Variants in ZNF862 observed in about 807,000 individuals in gnomAD.
ZNF862 encodes the protein zinc finger protein 862.
In ZNF862, 64 loss-of-function variants were observed where a neutral mutation model predicts 91.1. The ratio of observed to expected loss-of-function variants is 0.70; its 90% CI spans 0.57 to 0.87. The LOEUF (loss-of-function observed/expected upper bound fraction) is 0.87. ZNF862 is among the 40% of genes least tolerant of loss of function. The probability of loss-of-function intolerance (pLI) is 0.00; values close to 1 mark genes in which losing one functional copy is unlikely to be tolerated. For missense variants in ZNF862, 1,459 were observed against 1,528.0 expected (o/e 0.95, Z 0.75); for synonymous variants, 631 against 618.1 (o/e 1.02, Z -0.31).
chr7:149,844,946 G>C (rs950373897), intron 2 of ZNF862: 1 of 512,124 alleles, frequency 2.0e-6, no homozygotes, highest in African/African-American at 2.0e-5. Flanking sequence ...ATGGTCAAGA[G>C]AAGTGGGGCA....
Position 149,846,156 on chromosome 7 carries a change from A to C in ZNF862, c.142A>C (p.Thr48Pro). 6.2e-7 allele frequency: 1 copy of C among 1,612,144 alleles called. No individual in the cohort carries two copies. The highest frequency in any genetic ancestry group is 8.5e-7 in the Non-Finnish European group (1 of 1,179,190). ...SNKLVAPLGP[T>P]VANPELFRKF... ...TTTTTTTTTTTTGGACTCAGGACCA[A>C]CTGTTGCCAATCCTGAGCTGTTCCG... Residue 48 changes from threonine (T) to proline (P), a missense_variant, in exon 3 of 8, where the codon ACT becomes CCT. By Grantham distance (38) the Thr-to-Pro change is conservative. Transcript: ENST00000223210.
chr7:149,852,370 TGTGAGAGA>T (rs928173075), intron 5 of ZNF862, among the ~76,000 whole-genome samples: 2 of 137,650 alleles, frequency 1.5e-5, no homozygotes, highest in African/African-American at 5.1e-5. Flanking sequence ...TGTGTGTGTG[TGTGAGAGA>T]GAGAGAGAGA....
intron 4 of ZNF862, among the ~76,000 whole-genome samples, chr7:149,849,646 T>C (rs983839328): frequency 2.0e-5 from 3 of 152,248 alleles, no homozygotes; most frequent in East Asian, 1.9e-4. Context: ...TCATTTCTTT[T>C]CCTGTTCCTG....
chr7:149,861,411 C>G lies in ZNF862; in HGVS notation c.2251C>G (p.Arg751Gly). The G allele has an allele frequency of 6.2e-7, 1 of 1,613,224 alleles. No individual in the cohort carries two copies. Among genetic ancestry groups the G allele is most frequent in the Non-Finnish European group, 8.5e-7 (1 of 1,179,894 alleles). ...GGTGAAGAAGTGTGACCGGCACATC[C>G]GCACCGTCTTCAAGTTTTATCAGTC... ...DLVKKCDRHIRTVFKFYQSSN... is the reference protein window; with the variant it reads ...DLVKKCDRHIGTVFKFYQSSN... The change falls in exon 7 of 8, where the codon CGC (arginine) becomes GGC (glycine). Residue 751 changes from arginine to glycine, a missense_variant. By Grantham distance (125) the Arg-to-Gly change is moderately radical (BLOSUM62 -2). Transcript: ENST00000223210. The surrounding 1 kb of genome is among the most constrained non-coding windows in gnomAD (Gnocchi z 6.7).
Position 149,861,801 on chromosome 7 carries a change from A to C in ZNF862, c.2641A>C (p.Ser881Arg), listed in dbSNP as rs770945433. The C allele has an allele frequency of 2.5e-6, 4 of 1,613,592 alleles. No individual in the cohort carries two copies. The Admixed American group carries it at 6.7e-5, about 27-fold the overall frequency. ...GGGCCGCGCCTACGTGGCACTGGAG[A>C]GCCTCCGTCACCAGGCAGGGCCCAA... is the stretch of plus-strand genomic sequence containing the variant. The part of the protein sequence containing the change: ...TLGRAYVALE[S>R]LRHQAGPKEE... The change falls in exon 7 of 8, where the codon AGC becomes CGC. Residue 881 changes from serine (S) to arginine (R), a missense_variant. Physicochemically the swap from Ser to Arg is moderately radical, Grantham distance 110. Transcript: ENST00000223210. The surrounding 1 kb of genome is among the most constrained non-coding windows in gnomAD (Gnocchi z 6.7).
intron 1 of ZNF862, among the ~76,000 whole-genome samples, chr7:149,839,195 A>T (rs948012247): frequency 3.9e-5 from 6 of 152,172 alleles, no homozygotes; most frequent in African/African-American, 1.4e-4. Flanking sequence ...TTGGAAGAAA[A>T]GGTGGAAAGA....
rs868337413 is a variant in ZNF862, at chr7:149,850,814, G to A, written c.1117+476G>A. 2.5e-5 allele frequency: 4 copies of A among 157,440 alleles called. No homozygotes were observed. The South Asian group carries it at 7.4e-4, about 29-fold the overall frequency. The allele number at this position is 157,440 out of a possible 1,614,324, so 9.8% of individuals were successfully genotyped here. On this transcript the variant is annotated intron_variant, in intron 5 of 7. Coordinates refer to ENST00000223210, the MANE Select transcript of ZNF862 (RefSeq NM_001099220.3). The surrounding 1 kb of genome is among the most constrained non-coding windows in gnomAD (Gnocchi z 4.2). Reference sequence around the variant, plus strand: ...TTTTAATTGAGTTCAAAACCAGGTGGATCAGAAGGAGGAAGGGCATTGAGC... The same window carrying A: ...TTTTAATTGAGTTCAAAACCAGGTGAATCAGAAGGAGGAAGGGCATTGAGC...
chr7:149,859,294 C>T lies in ZNF862; in HGVS notation c.1118-128C>T, dbSNP rs961781229. On this transcript the variant is annotated intron_variant, in intron 5 of 7. Transcript: ENST00000223210. The stretch of plus-strand genomic sequence containing the variant: ...GGTTTGCGCTCAGCCTGCCCCTGGC[C>T]GACTAGACTTTATAAGGACAGAACC... 2.9e-5 allele frequency: 26 copies of T among 895,838 alleles called. 1 individual carries two copies. The highest frequency in any genetic ancestry group is 1.0e-4 in the African/African-American group (6 of 59,960). The allele number at this position is 895,838 out of a possible 1,614,324, so 55.5% of individuals were successfully genotyped here.
intron 1 of ZNF862, chr7:149,841,462 C>T: frequency 2.0e-6 from 2 of 977,776 alleles, no homozygotes; most frequent in African/African-American, 3.5e-5. Context: ...AAATAAAATT[C>T]TCATGTTCAT....
In ZNF862 at chr7:149,861,940, C is replaced by T. The variant is rs114357086; in HGVS notation, c.2780C>T (p.Thr927Met). ...GCGGATAGGGAGAGGACAGTCCTGA[C>T]GGGGATTGAGTACCTCCAGCAGAGG... ...FQADRERTVLTGIEYLQQRFD... is the reference protein window; with the variant it reads ...FQADRERTVLMGIEYLQQRFD... Residue 927 changes from threonine (T) to methionine (M), a missense_variant, in exon 7 of 8, where the codon ACG becomes ATG. Transcript: ENST00000223210. The surrounding 1 kb of genome is among the most constrained non-coding windows in gnomAD (Gnocchi z 6.7). The T allele has an allele frequency of 1.3e-4, 210 of 1,613,676 alleles. No homozygotes were observed. In the African/African-American group the frequency reaches 2.1e-3, roughly 16 times the overall value.
chr7:149,850,440 C>T lies in ZNF862; in HGVS notation c.1117+102C>T. ...TTATCTTCCCATTCCTGCCCCCTCC[C>T]TGTGTGTAGGCAGAGACCGATCCTG... On this transcript the variant is annotated intron_variant, in intron 5 of 7. Coordinates refer to ENST00000223210, the MANE Select transcript of ZNF862 (RefSeq NM_001099220.3). The surrounding 1 kb of genome is among the most constrained non-coding windows in gnomAD (Gnocchi z 4.2). 1 of 1,265,920 alleles carries T rather than the reference C, an allele frequency of 7.9e-7. No individual in the cohort carries two copies. Among genetic ancestry groups the T allele is most frequent in the Non-Finnish European group, 1.1e-6 (1 of 922,452 alleles). The allele number at this position is 1,265,920 out of a possible 1,614,324, so 78.4% of individuals were successfully genotyped here. A position where few individuals can be genotyped will look rare whatever the true frequency, so the allele number is the denominator to read the frequency against.
Position 149,847,961 on chromosome 7 carries a change from G to T in ZNF862, c.468G>T (p.Gln156His). Residue 156 changes from glutamine to histidine, a missense_variant, in exon 4 of 8, where the codon CAG (glutamine) becomes CAT (histidine). By Grantham distance (24) the Gln-to-His change is conservative. Transcript: ENST00000223210. ...QFPWLIMNEE[Q>H]TALFCSACRE... ...CGTGGCTGATCATGAATGAGGAGCA[G>T]ACGGCTCTGTTCTGCTCTGCTTGCC... 6.2e-7 allele frequency: 1 copy of T among 1,610,000 alleles called. No homozygotes were observed.
Position 149,860,508 on chromosome 7 carries a change from G to A in ZNF862, c.1348G>A (p.Gly450Arg). 6.2e-7 allele frequency: 1 copy of A among 1,613,990 alleles called. No individual in the cohort carries two copies. Among genetic ancestry groups the A allele is most frequent in the Non-Finnish European group, 8.5e-7 (1 of 1,179,874 alleles). ...CTGCAGTTCCAGCATTTGTGAGGAAGGAGATGGACCTAGGAGAATCAAGAG... is the reference window on the plus strand; with the variant it reads ...CTGCAGTTCCAGCATTTGTGAGGAAAGAGATGGACCTAGGAGAATCAAGAG... ...SCCSSSICEEGDGPRRIKRTY... is the reference protein window; with the variant it reads ...SCCSSSICEERDGPRRIKRTY... Residue 450 changes from glycine to arginine, a missense_variant, in exon 7 of 8, where the codon GGA becomes AGA. Physicochemically the swap from Gly to Arg is moderately radical, Grantham distance 125. Coordinates refer to ENST00000223210, the MANE Select transcript of ZNF862 (RefSeq NM_001099220.3).
Position 149,846,253 on chromosome 7 carries a change from C to T in ZNF862, c.239C>T (p.Pro80Leu). Residue 80 changes from proline (P) to leucine (L), a missense_variant and splice_region_variant, in exon 3 of 8, where the codon CCA (proline) becomes CTA (leucine). Pro to Leu is a moderately conservative substitution (Grantham distance 98, BLOSUM62 -3). Coordinates refer to ENST00000223210, the MANE Select transcript of ZNF862 (RefSeq NM_001099220.3). ...CAGAGGAGCCTTCTGGAGCATCACC[C>T]AGGTGAGTGTGGAACTGCACTCAGG... ...QGQRSLLEHH[P>L]GKKQMGYMGE... The T allele has an allele frequency of 6.2e-7, 1 of 1,612,698 alleles. No individual in the cohort carries two copies. The highest frequency in any genetic ancestry group is 8.5e-7 in the Non-Finnish European group (1 of 1,179,134).
At chr7:149,847,640 G>T in intron 3 of ZNF862, 95 bp from the exon 4 acceptor site, 1 of 703,878 alleles carries the variant, frequency 1.4e-6, no homozygotes. Context: ...TGTGCTTTCC[G>T]TCTTTCATAT....
At chr7:149,840,718 G>A (rs1189270947) in intron 1 of ZNF862, 1 of 152,840 alleles carries the variant, frequency 6.5e-6, no homozygotes, top group Non-Finnish European at 1.5e-5. Flanking sequence ...TGTTACAGTG[G>A]CCTACAGTTT....
intron 1 of ZNF862, among the ~76,000 whole-genome samples, chr7:149,843,556 G>A (rs1801773953): frequency 6.6e-6 from 1 of 151,676 alleles, no homozygotes. Context: ...TTAGCAACCT[G>A]CCCCCCAAAC....
rs375719175 is a variant in ZNF862 at position 149,860,556 on chromosome 7, C to A, written c.1396C>A (p.Gln466Lys). ...IKRTYRPRSI[Q>K]RSWFGQFPWL... ...GAGGACATACAGGCCCCGTTCCATT[C>A]AGAGGTCATGGTTTGGGCAGTTCCC... Residue 466 changes from glutamine (Q) to lysine (K), a missense_variant, in exon 7 of 8, where the codon CAG becomes AAG. Physicochemically the swap from Gln to Lys is moderately conservative, Grantham distance 53 (BLOSUM62 1). Coordinates refer to ENST00000223210, the MANE Select transcript of ZNF862 (RefSeq NM_001099220.3). 6.2e-7 allele frequency: 1 copy of A among 1,613,906 alleles called. No homozygotes were observed. Among genetic ancestry groups the A allele is most frequent in the Non-Finnish European group, 8.5e-7 (1 of 1,179,896 alleles).
chr7:149,845,957 C>A (rs960765088), intron 2 of ZNF862, among the ~76,000 whole-genome samples, 194 bp from the exon 3 acceptor site: 7 of 152,284 alleles, frequency 4.6e-5, no homozygotes, highest in Admixed American at 3.9e-4. Flanking sequence ...CTATTAGGGG[C>A]CTCACAGATA....
Sources: allele counts gnomAD v4.1 joint callset (sites outside exome capture counted in the v4.1 genomes callset), GRCh38; gene constraint gnomAD v4.1.1; non-coding constraint Gnocchi (gnomAD v3.1); transcripts MANE v1.5; gene names NCBI Gene and HGNC (gene_info 2026-07-23, HGNC 2026-07-21).